Variants in SPMIP11 observed in about 807,000 individuals in gnomAD.
SPMIP11 encodes sperm microtubule inner protein 11.
chr12:48,738,955 A>T, the SPMIP11 span, among the ~76,000 whole-genome samples: 2 of 151,910 alleles, frequency 1.3e-5, no homozygotes. Flanking sequence ...TTCTTCATGA[A>T]GAAGATAAGA....
chr12:48,739,919 C>T, the SPMIP11 span, among the ~76,000 whole-genome samples: 1 of 152,184 alleles, frequency 6.6e-6, no homozygotes, highest in Non-Finnish European at 1.5e-5. Flanking sequence ...TAGATGTATC[C>T]TCCACTACAG....
At chr12:48,764,061 C>A in the SPMIP11 span, among the ~76,000 whole-genome samples, 2 of 151,836 alleles carry the variant, frequency 1.3e-5, no homozygotes, top group African/African-American at 2.4e-5. Flanking sequence ...TGGCTCACCG[C>A]AACCTCTGCC....
chr12:48,747,677 C>G, the SPMIP11 span, among the ~76,000 whole-genome samples: 2 of 152,112 alleles, frequency 1.3e-5, no homozygotes, highest in African/African-American at 4.8e-5. Context: ...TTTGGCTACC[C>G]TCTGCCAAGT....
the SPMIP11 span, among the ~76,000 whole-genome samples, chr12:48,728,075 T>C: frequency 6.6e-6 from 1 of 152,068 alleles, no homozygotes; most frequent in Non-Finnish European, 1.5e-5. Flanking sequence ...ACACAATTTG[T>C]TCAACCAAAT....
the SPMIP11 span, among the ~76,000 whole-genome samples, chr12:48,742,631 C>T: frequency 6.6e-6 from 1 of 152,080 alleles, no homozygotes; most frequent in Admixed American, 6.5e-5. Flanking sequence ...CACCTGTAAT[C>T]TCAGCACTTT....
chr12:48,754,206 G>C, the SPMIP11 span, among the ~76,000 whole-genome samples: 1 of 152,030 alleles, frequency 6.6e-6, no homozygotes, highest in African/African-American at 2.4e-5. Flanking sequence ...TTCTAGACTA[G>C]CTTGGGCAAC....
the SPMIP11 span, among the ~76,000 whole-genome samples, chr12:48,730,345 T>C: frequency 6.6e-6 from 1 of 152,070 alleles, no homozygotes; most frequent in Admixed American, 6.6e-5. Context: ...GCCAAACCTG[T>C]GGAATGTAAG....
chr12:48,768,979 G>C, the SPMIP11 span: 1 of 1,614,054 alleles, frequency 6.2e-7, no homozygotes, highest in Admixed American at 1.7e-5. Context: ...TACGACTAGA[G>C]ACATTCACTG....
At chr12:48,757,946 A>G in the SPMIP11 span, among the ~76,000 whole-genome samples, 1 of 152,074 alleles carries the variant, frequency 6.6e-6, no homozygotes, top group African/African-American at 2.4e-5. Context: ...GTGAGCCAAG[A>G]TCATGCCACT....
At chr12:48,766,621 G>A in the SPMIP11 span, 4 of 152,646 alleles carry the variant, frequency 2.6e-5, no homozygotes, top group Non-Finnish European at 5.9e-5. Flanking sequence ...CATGACTAAT[G>A]AAGTACCTGA....
At chr12:48,759,510 A>G in the SPMIP11 span, among the ~76,000 whole-genome samples, 1 of 152,054 alleles carries the variant, frequency 6.6e-6, no homozygotes, top group Non-Finnish European at 1.5e-5. Context: ...AACATAGTGA[A>G]ACCCCATCTC....
chr12:48,738,030 GC>G, the SPMIP11 span, among the ~76,000 whole-genome samples: 6 of 151,466 alleles, frequency 4.0e-5, no homozygotes, highest in African/African-American at 1.5e-4. Context: ...TCCCTATGTT[GC>G]CCAGGATGAT....
chr12:48,755,692 G>A, the SPMIP11 span, among the ~76,000 whole-genome samples: 5 of 152,026 alleles, frequency 3.3e-5, no homozygotes, highest in African/African-American at 4.8e-5. Context: ...ATGGGAAGCC[G>A]GGACCATGCT....
chr12:48,760,924 T>G, the SPMIP11 span, among the ~76,000 whole-genome samples: 1 of 152,240 alleles, frequency 6.6e-6, no homozygotes, highest in Non-Finnish European at 1.5e-5. Context: ...GTATATTGTA[T>G]ATTATCATGC....
the SPMIP11 span, among the ~76,000 whole-genome samples, chr12:48,746,559 G>T: frequency 6.6e-6 from 1 of 151,612 alleles, no homozygotes; most frequent in Non-Finnish European, 1.5e-5. Context: ...TAGGGACGGG[G>T]TTTCACCATG....
chr12:48,733,277 G>A, the SPMIP11 span, among the ~76,000 whole-genome samples: 8 of 151,924 alleles, frequency 5.3e-5, no homozygotes, highest in African/African-American at 1.9e-4. Context: ...GTTTCACCAT[G>A]TTGGCCAGGC....
chr12:48,749,122 C>T, the SPMIP11 span, among the ~76,000 whole-genome samples: 4 of 151,762 alleles, frequency 2.6e-5, no homozygotes, highest in South Asian at 2.1e-4. Flanking sequence ...ATTAGCTGGG[C>T]GTGGTGGTGC....
the SPMIP11 span, among the ~76,000 whole-genome samples, chr12:48,753,692 C>CTTTTTTTTTTGTTTTTTTTTTT: frequency 8.4e-6 from 1 of 118,820 alleles, no homozygotes; most frequent in Non-Finnish European, 1.7e-5. Context: ...TTTTTTTTTT[C>CTTTTTTTTTTGTTTTTTTTTTT]TTTTTTTTTT....
chr12:48,766,839 G>A, the SPMIP11 span: 3 of 152,424 alleles, frequency 2.0e-5, no homozygotes, highest in South Asian at 4.1e-4. Flanking sequence ...CAAAATTCAG[G>A]CTAGTGCCTT....
Sources: allele counts gnomAD v4.1 joint callset (sites outside exome capture counted in the v4.1 genomes callset), GRCh38; gene constraint gnomAD v4.1.1; transcripts MANE v1.5; gene names NCBI Gene and HGNC (gene_info 2026-07-23, HGNC 2026-07-21).